The following TENM2 variants were observed in gnomAD, a reference collection of about 807,000 sequenced individuals.
TENM2 encodes the protein teneurin transmembrane protein 2, also known as teneurin-2.
In TENM2, 52 loss-of-function variants were observed where a neutral mutation model predicts 245.2. That is an observed-to-expected ratio of 0.21 (90% CI 0.17 to 0.27). The LOEUF (loss-of-function observed/expected upper bound fraction) is 0.27, where lower values mean the gene tolerates loss of function less well. Ranked by LOEUF, TENM2 falls within the 10% of genes least tolerant of loss-of-function variation. TENM2 has a pLI of 1.00. For synonymous variants in TENM2, 1,363 were observed against 1,438.9 expected (o/e 0.95, Z 1.19); for missense variants, 3,046 against 3,666.8 (o/e 0.83, Z 4.37).
chr5:167,946,907 G>A (rs1323891593), intron 3 of TENM2, among the ~76,000 whole-genome samples: 1 of 152,176 alleles, frequency 6.6e-6, no homozygotes, highest in Non-Finnish European at 1.5e-5. Flanking sequence ...GGCAGCCATG[G>A]ACAATATTAT....
chr5:168,170,333 G>A (rs2152468506), intron 13 of TENM2, among the ~76,000 whole-genome samples: 1 of 152,178 alleles, frequency 6.6e-6, no homozygotes, highest in East Asian at 1.9e-4. Flanking sequence ...GTGAAACTCT[G>A]TCTCTACTAA....
intron 1 of TENM2, among the ~76,000 whole-genome samples, chr5:167,372,564 G>T (rs1241051740): frequency 1.3e-5 from 2 of 152,052 alleles, no homozygotes; most frequent in African/African-American, 4.8e-5. Flanking sequence ...ATGAGATGTG[G>T]GAAAACCATG....
At chr5:167,777,917 A>G (rs949725650) in intron 2 of TENM2, among the ~76,000 whole-genome samples, 3 of 152,196 alleles carry the variant, frequency 2.0e-5, no homozygotes, top group Non-Finnish European at 2.9e-5. Flanking sequence ...ATTATAGTCC[A>G]TGAGCCATCT....
At chr5:168,254,567 G>C (rs1767470025) in intron 27 of TENM2, among the ~76,000 whole-genome samples, 1 of 151,974 alleles carries the variant, frequency 6.6e-6, no homozygotes, top group South Asian at 2.1e-4. Context: ...GAAGGAAGAA[G>C]AAGAGAAAGA....
intron 2 of TENM2, among the ~76,000 whole-genome samples, chr5:167,741,109 C>T (rs953947951): frequency 6.6e-6 from 1 of 152,206 alleles, no homozygotes; most frequent in Non-Finnish European, 1.5e-5. Context: ...TCAGAAGTTA[C>T]CTCCTTGAAA....
At chr5:167,002,892 G>T in the TENM2 span, among the ~76,000 whole-genome samples, 1 of 151,958 alleles carries the variant, frequency 6.6e-6, no homozygotes, top group South Asian at 2.1e-4. Context: ...CAATGATAGG[G>T]CTTTTTCTCC....
intron 1 of TENM2, among the ~76,000 whole-genome samples, chr5:167,331,065 G>A (rs988230009): frequency 6.6e-5 from 10 of 151,778 alleles, no homozygotes; most frequent in South Asian, 6.3e-4. Context: ...GTAAAACCCC[G>A]TCTCTACTAA....
At chr5:167,904,740 A>G (rs1775957898) in intron 3 of TENM2, among the ~76,000 whole-genome samples, 1 of 152,120 alleles carries the variant, frequency 6.6e-6, no homozygotes, top group South Asian at 2.1e-4. Context: ...ACATTTTTTA[A>G]CTCCCAATTC....
chr5:167,099,691 G>T, the TENM2 span, among the ~76,000 whole-genome samples: 1 of 152,004 alleles, frequency 6.6e-6, no homozygotes, highest in African/African-American at 2.4e-5. Context: ...GCGAAACACC[G>T]TCTCAAAACA....
intron 2 of TENM2, among the ~76,000 whole-genome samples, chr5:167,837,646 A>G (rs73803228): frequency 8.0e-4 from 122 of 152,292 alleles, no homozygotes; most frequent in African/African-American, 2.7e-3. Flanking sequence ...TAAGATATCC[A>G]TATTCTTATT....
At chr5:167,339,279 C>T (rs921597145) in intron 1 of TENM2, among the ~76,000 whole-genome samples, 2 of 152,130 alleles carry the variant, frequency 1.3e-5, no homozygotes, top group Non-Finnish European at 2.9e-5. Context: ...GATAGACAGT[C>T]GTAGACTAAA....
intron 2 of TENM2, among the ~76,000 whole-genome samples, chr5:167,786,823 T>C (rs1764610905): frequency 6.6e-6 from 1 of 152,212 alleles, no homozygotes; most frequent in African/African-American, 2.4e-5. Flanking sequence ...GGGCCACATC[T>C]CAGAGCTCCC....
chr5:167,658,038 GCTGTTATGACAGAATTC>G (rs1754965627), intron 2 of TENM2, among the ~76,000 whole-genome samples: 1 of 152,138 alleles, frequency 6.6e-6, no homozygotes, highest in Non-Finnish European at 1.5e-5. Flanking sequence ...GTCTGTTAGT[GCTGTTATGACAGAATTC>G]CTGAGACTGA....
chr5:168,002,041 C>T (rs1784448589), intron 5 of TENM2, among the ~76,000 whole-genome samples: 1 of 152,210 alleles, frequency 6.6e-6, no homozygotes, highest in African/African-American at 2.4e-5. Flanking sequence ...ATATTATCCT[C>T]CCTTCTGGGA....
chr5:168,257,054 C>T (rs559905083), intron 27 of TENM2, among the ~76,000 whole-genome samples: 2 of 152,062 alleles, frequency 1.3e-5, no homozygotes, highest in African/African-American at 4.8e-5. Context: ...TTACGGAGCA[C>T]CTATTTTGTG....
chr5:167,489,491 T>A (rs1448617746), intron 2 of TENM2, among the ~76,000 whole-genome samples: 1 of 152,082 alleles, frequency 6.6e-6, no homozygotes, highest in Non-Finnish European at 1.5e-5. Context: ...TGTCAGGGAG[T>A]GTTTCTGACC....
At position 168,218,941 on chromosome 5, in the gene TENM2, G is replaced by A; in HGVS notation, c.5050G>A (p.Gly1684Ser). The change falls in exon 23 of 29, where the codon GGC becomes AGC. Residue 1684 changes from glycine to serine, a missense_variant. Gly to Ser is a moderately conservative substitution (Grantham distance 56). Coordinates refer to ENST00000518659, the Ensembl canonical transcript of TENM2. The surrounding 1 kb of genome is among the most constrained non-coding windows in gnomAD (Gnocchi z 5.2). ...GGAGCTTGGTCTCATGACCTATGAT[G>A]GCAACACTGGGCTCCTGGCCACCAA... 2 of 1,613,962 alleles carry A rather than the reference G, an allele frequency of 1.2e-6. No homozygotes were observed. The highest frequency in any genetic ancestry group is 1.7e-6 in the Non-Finnish European group (2 of 1,179,890).
intron 2 of TENM2, among the ~76,000 whole-genome samples, chr5:167,799,725 G>C (rs1449659546): frequency 6.6e-6 from 1 of 152,186 alleles, no homozygotes; most frequent in Non-Finnish European, 1.5e-5. Context: ...CTTAAGAGTG[G>C]TAAGTTAGGT....
chr5:167,801,109 A>AAAAAATATAT (rs1444227809), intron 2 of TENM2, among the ~76,000 whole-genome samples: 3 of 66,556 alleles, frequency 4.5e-5, no homozygotes, highest in East Asian at 5.2e-4. Flanking sequence ...AAAAAAAAAA[A>AAAAAATATAT]ATATATATAT....
Sources: allele counts gnomAD v4.1 joint callset (sites outside exome capture counted in the v4.1 genomes callset), GRCh38; gene constraint gnomAD v4.1.1; non-coding constraint Gnocchi (gnomAD v3.1); transcripts MANE v1.5; gene names NCBI Gene and HGNC (gene_info 2026-07-23, HGNC 2026-07-21).